MYCBP2: variants seen among roughly 807,000 people sequenced by gnomAD.
MYCBP2 encodes MYC binding protein 2, also known as E3 ubiquitin-protein ligase MYCBP2.
Under a neutral mutation model 525.3 loss-of-function variants are expected in MYCBP2, and 120 were observed. That is an observed-to-expected ratio of 0.23 (90% CI 0.20 to 0.27). The LOEUF is 0.27. Ranked by LOEUF, MYCBP2 falls within the 10% of genes least tolerant of loss-of-function variation. MYCBP2 has a pLI of 1.00. For synonymous variants in MYCBP2, 1,894 were observed against 1,955.8 expected (o/e 0.97, Z 0.83); for missense variants, 4,149 against 5,657.1 (o/e 0.73, Z 8.55).
At chr13:77,146,909 G>A (rs1445767744) in intron 47 of MYCBP2, among the ~76,000 whole-genome samples, 1 of 152,088 alleles carries the variant, frequency 6.6e-6, no homozygotes, top group Non-Finnish European at 1.5e-5. Flanking sequence ...GTATCTTACA[G>A]AAACTCTTGC....
chr13:77,113,659 T>C (rs73239480), intron 55 of MYCBP2, among the ~76,000 whole-genome samples: 147 of 152,250 alleles, frequency 9.7e-4, no homozygotes, highest in Non-Finnish European at 1.3e-3. Context: ...GCATTCTTTG[T>C]GGTTTGAATT....
At chr13:77,278,392 C>T (rs534890695) in intron 4 of MYCBP2, among the ~76,000 whole-genome samples, 1 of 152,322 alleles carries the variant, frequency 6.6e-6, no homozygotes, top group East Asian at 1.9e-4. Context: ...CGAACTTCAA[C>T]TCTTAAACCA....
intron 26 of MYCBP2, among the ~76,000 whole-genome samples, chr13:77,201,737 T>A (rs1232382288): frequency 6.6e-6 from 1 of 151,784 alleles, no homozygotes; most frequent in Non-Finnish European, 1.5e-5. Context: ...GGATTAAGAA[T>A]CTCACTCAAA....
chr13:77,188,741 G>C (rs1341264745), intron 30 of MYCBP2, among the ~76,000 whole-genome samples: 1 of 152,084 alleles, frequency 6.6e-6, no homozygotes, highest in Non-Finnish European at 1.5e-5. Context: ...AATTCATCTG[G>C]TCATGTTAAA....
Position 77,155,687 on chromosome 13 carries a change from C to T in MYCBP2, c.6915+371G>A, listed in dbSNP as rs552592260. On this transcript the variant is annotated intron_variant, in intron 46 of 82. Transcript: ENST00000544440. Reference sequence around the variant, plus strand: ...GGTTTCAGTAATACCAAACACAGAACGTACTTGAGTCTTTCAAAACTATAC... The same window carrying T: ...GGTTTCAGTAATACCAAACACAGAATGTACTTGAGTCTTTCAAAACTATAC... 9.1e-4 allele frequency among the ~76,000 whole-genome samples: 138 copies of T among 152,172 alleles called. 2 individuals carry two copies. The Middle Eastern group carries it at 0.01, about 11-fold the overall frequency.
At chr13:77,163,677 A>T (rs989639026) in intron 43 of MYCBP2, among the ~76,000 whole-genome samples, 1 of 152,126 alleles carries the variant, frequency 6.6e-6, no homozygotes, top group Non-Finnish European at 1.5e-5. Flanking sequence ...AAATTCTTCT[A>T]AAGAGCTACC....
At chr13:77,046,909 TGGGTGGGGGAGAGTGC>T (rs2035674176) in intron 82 of MYCBP2, among the ~76,000 whole-genome samples, 1 of 152,004 alleles carries the variant, frequency 6.6e-6, no homozygotes, top group Non-Finnish European at 1.5e-5. Context: ...ACCCCACCAG[TGGGTGGGGGAGAGTGC>T]GCAGGATGGG....
chr13:77,107,100 T>C (rs1253479281), intron 55 of MYCBP2, among the ~76,000 whole-genome samples: 2 of 152,172 alleles, frequency 1.3e-5, no homozygotes, highest in East Asian at 1.9e-4. Context: ...ACATTTATGG[T>C]AGAATGATGG....
intron 47 of MYCBP2, among the ~76,000 whole-genome samples, chr13:77,147,333 A>G (rs1009152858): frequency 2.0e-5 from 3 of 152,070 alleles, no homozygotes; most frequent in Admixed American, 6.6e-5. Context: ...CTGTTTCTTA[A>G]TAAAAAAATA....
At chr13:77,113,520 G>A (rs1260796789) in intron 55 of MYCBP2, among the ~76,000 whole-genome samples, 1 of 151,966 alleles carries the variant, frequency 6.6e-6, no homozygotes, top group Admixed American at 6.6e-5. Context: ...AAAGAAAGAT[G>A]GTAATGAAGG....
intron 68 of MYCBP2, among the ~76,000 whole-genome samples, chr13:77,073,338 C>A (rs1594247269): frequency 6.6e-6 from 1 of 152,084 alleles, no homozygotes; most frequent in Non-Finnish European, 1.5e-5. Context: ...AAAAAGAATC[C>A]ATTCTGATAG....
At chr13:77,264,434 T>G (rs2073788815) in intron 8 of MYCBP2, among the ~76,000 whole-genome samples, 1 of 152,110 alleles carries the variant, frequency 6.6e-6, no homozygotes, top group Non-Finnish European at 1.5e-5. Context: ...ACATCTATTG[T>G]GTCCAACTAC....
chr13:77,284,919 T>C (rs2076579965), intron 3 of MYCBP2, among the ~76,000 whole-genome samples: 2 of 152,164 alleles, frequency 1.3e-5, no homozygotes, highest in African/African-American at 4.8e-5. Flanking sequence ...AGCTAGTAAT[T>C]TTAATGGTGT....
At chr13:77,315,263 G>A (rs2080793728) in intron 1 of MYCBP2, among the ~76,000 whole-genome samples, 1 of 152,102 alleles carries the variant, frequency 6.6e-6, no homozygotes, top group South Asian at 2.1e-4. Flanking sequence ...AATTGGGTAG[G>A]ACTGGGTAGG....
At chr13:77,204,139 C>T (rs1341413950) in intron 26 of MYCBP2, among the ~76,000 whole-genome samples, 3 of 151,108 alleles carry the variant, frequency 2.0e-5, no homozygotes, top group Non-Finnish European at 4.4e-5. Context: ...ATTTTTGCAA[C>T]CTACTCATCT....
intron 3 of MYCBP2, among the ~76,000 whole-genome samples, chr13:77,280,629 A>G (rs898794898): frequency 6.6e-6 from 1 of 152,210 alleles, no homozygotes; most frequent in Non-Finnish European, 1.5e-5. Context: ...GTGACAACGG[A>G]ATTATTGAAC....
At chr13:77,050,916 G>T in intron 82 of MYCBP2, 81 bp downstream of exon 82, 1 of 1,258,008 alleles carries the variant, frequency 7.9e-7, no homozygotes, top group Non-Finnish European at 1.1e-6. Flanking sequence ...TCTGTCACTT[G>T]AAACAGAGCT....
At chr13:77,176,921 G>C (rs60402163) in intron 35 of MYCBP2, among the ~76,000 whole-genome samples, 1 of 151,942 alleles carries the variant, frequency 6.6e-6, no homozygotes, top group Admixed American at 6.6e-5. Context: ...AAATTAACTA[G>C]TGAAAGGAAT....
intron 27 of MYCBP2, among the ~76,000 whole-genome samples, chr13:77,192,697 C>G (rs2061399609): frequency 6.6e-6 from 1 of 152,146 alleles, no homozygotes. Flanking sequence ...AAAAAAGATG[C>G]TGGATGTTAT....
Sources: gnomAD v4.1 joint callset for allele counts (sites outside exome capture counted in the v4.1 genomes callset) on GRCh38, gnomAD v4.1.1 for gene constraint, MANE v1.5 for transcripts, NCBI Gene and HGNC (gene_info 2026-07-23, HGNC 2026-07-21) for gene names.